The following UBE2E2 variants were observed in gnomAD, a reference collection of about 807,000 sequenced individuals.
The protein encoded by UBE2E2 is ubiquitin conjugating enzyme E2 E2, also known as ubiquitin-conjugating enzyme E2 E2.
A neutral mutation model predicts 24.7 loss-of-function variants in UBE2E2; 6 were observed. The ratio of observed to expected loss-of-function variants is 0.24; its 90% CI spans 0.13 to 0.48. The LOEUF (loss-of-function observed/expected upper bound fraction) is 0.48. Among genes scored for constraint, UBE2E2 ranks in the 20% least tolerant of loss-of-function variants. The pLI, the probability that UBE2E2 is intolerant of heterozygous loss-of-function variation, is 0.99. For missense variants in UBE2E2, 169 were observed against 245.0 expected (o/e 0.69, Z 2.07); for synonymous variants, 104 against 83.6 (o/e 1.24, Z -1.33).
At chr3:23,386,199 T>G (rs1211987008) in intron 3 of UBE2E2, among the ~76,000 whole-genome samples, 1 of 152,182 alleles carries the variant, frequency 6.6e-6, no homozygotes, top group African/African-American at 2.4e-5. Flanking sequence ...TTCTTTCTCA[T>G]TTTTCTGGAG....
At chr3:23,537,568 C>T (rs564233960) in intron 5 of UBE2E2, among the ~76,000 whole-genome samples, 1 of 152,238 alleles carries the variant, frequency 6.6e-6, no homozygotes, top group African/African-American at 2.4e-5. Context: ...ATGGACTGAG[C>T]AAAAGAAAAG....
At chr3:23,430,456 G>T (rs568404397) in intron 3 of UBE2E2, among the ~76,000 whole-genome samples, 2 of 151,974 alleles carry the variant, frequency 1.3e-5, no homozygotes, top group South Asian at 4.2e-4. Flanking sequence ...TTTTAGAACA[G>T]TACCTGGCCC....
intron 3 of UBE2E2, among the ~76,000 whole-genome samples, chr3:23,362,597 A>G (rs932343614): frequency 6.6e-6 from 1 of 152,140 alleles, no homozygotes; most frequent in African/African-American, 2.4e-5. Context: ...TGTCCCAGGA[A>G]GGACCCAGAT....
At chr3:23,293,314 C>A (rs958638546) in intron 3 of UBE2E2, among the ~76,000 whole-genome samples, 2 of 152,196 alleles carry the variant, frequency 1.3e-5, no homozygotes, top group Admixed American at 6.5e-5. Flanking sequence ...ATGTGAAAAC[C>A]ATTACCCTAA....
Position 23,261,817 on chromosome 3 carries a change from A to G in UBE2E2, c.227+44505A>G, listed in dbSNP as rs77830457. On this transcript the variant is annotated intron_variant, in intron 3 of 5. Transcript: ENST00000396703. The stretch of plus-strand genomic sequence containing the variant: ...ATTTCCTTCCTTTTTTAAATGGGTG[A>G]ATAATATTCCATTTTATTGATATAT... Among the ~76,000 whole-genome samples, 359 of 152,310 alleles carry G rather than the reference A, an allele frequency of 2.4e-3. 3 individuals carry two copies. Among genetic ancestry groups the G allele is most frequent in the African/African-American group, 8.2e-3 (342 of 41,554 alleles).
intron 3 of UBE2E2, among the ~76,000 whole-genome samples, chr3:23,414,570 G>T (rs1692652): frequency 5.9e-5 from 9 of 151,902 alleles, no homozygotes; most frequent in Non-Finnish European, 8.8e-5. Context: ...ATATCACATT[G>T]CAATGGTAGG....
At chr3:23,479,670 A>G (rs1699213029) in intron 3 of UBE2E2, among the ~76,000 whole-genome samples, 1 of 152,202 alleles carries the variant, frequency 6.6e-6, no homozygotes. Context: ...CAAGGTGGAA[A>G]GGAGCTTCAC....
Position 23,241,532 on chromosome 3 carries a change from T to C in UBE2E2, c.227+24220T>C, listed in dbSNP as rs76513864. Among the ~76,000 whole-genome samples the C allele has an allele frequency of 2.3e-3, 347 of 152,204 alleles. 2 individuals carry two copies. The highest frequency in any genetic ancestry group is 7.9e-3 in the African/African-American group (330 of 41,534). On this transcript the variant is annotated intron_variant, in intron 3 of 5. Transcript: ENST00000396703. ...GCTACGCTGGCCTCTTCCCTGTCCC[T>C]CAAATGTGCCAGACATGCTTCCATC...
chr3:23,413,725 A>C (rs368626431), intron 3 of UBE2E2, among the ~76,000 whole-genome samples: 1 of 152,010 alleles, frequency 6.6e-6, no homozygotes, highest in Non-Finnish European at 1.5e-5. Context: ...CTAGAGAGTA[A>C]TTGCCTGTAT....
In UBE2E2 at chr3:23,583,832, T is replaced by C. The variant is rs986858837; in HGVS notation, c.509-5902T>C. On this transcript the variant is annotated intron_variant, in intron 5 of 5. Coordinates refer to ENST00000396703, the MANE Select transcript of UBE2E2 (RefSeq NM_152653.4). This position sits in a 1 kb window ranked among gnomAD's most constrained non-coding sequence, Gnocchi z 4.1. The stretch of plus-strand genomic sequence containing the variant: ...GCTTTGGGGCAGAGACAGTGGGGTT[T>C]TCTAGGTATAGAATCATATCGTCTA... Among the ~76,000 whole-genome samples the C allele has an allele frequency of 6.6e-6, 1 of 152,200 alleles. No homozygotes were observed. Among genetic ancestry groups the C allele is most frequent in the Non-Finnish European group, 1.5e-5 (1 of 68,034 alleles).
intron 2 of UBE2E2, among the ~76,000 whole-genome samples, chr3:23,210,297 A>G (rs1696285011): frequency 6.6e-6 from 1 of 151,904 alleles, no homozygotes; most frequent in Non-Finnish European, 1.5e-5. Flanking sequence ...AGAAAAGGGG[A>G]AGGATTGGTT....
At chr3:23,377,896 C>T (rs920344422) in intron 3 of UBE2E2, among the ~76,000 whole-genome samples, 2 of 152,072 alleles carry the variant, frequency 1.3e-5, no homozygotes, top group Non-Finnish European at 2.9e-5. Context: ...CTCTTATGTA[C>T]ATGTGTATTG....
At chr3:23,359,360 T>G (rs1409125511) in intron 3 of UBE2E2, among the ~76,000 whole-genome samples, 1 of 152,172 alleles carries the variant, frequency 6.6e-6, no homozygotes, top group Non-Finnish European at 1.5e-5. Flanking sequence ...TCATAAGCAG[T>G]GAGGACTGGA....
At chr3:23,475,580 T>A (rs2125437820) in intron 3 of UBE2E2, among the ~76,000 whole-genome samples, 1 of 152,142 alleles carries the variant, frequency 6.6e-6, no homozygotes, top group South Asian at 2.1e-4. Flanking sequence ...GGGTCATATA[T>A]GCAAAGTGAC....
chr3:23,407,647 ATGTGTGTGTGTGTGTGTGTGTGTGTGTG>A lies in UBE2E2; in HGVS notation c.228-91945_228-91918del, dbSNP rs71974866. 2.2e-5 allele frequency among the ~76,000 whole-genome samples: 3 copies of A among 138,028 alleles called. No individual in the cohort carries two copies. The highest frequency in any genetic ancestry group is 2.7e-5 in the African/African-American group (1 of 37,298). The allele number at this position is 138,028 out of a possible 152,430, so 90.6% of individuals were successfully genotyped here. On this transcript the variant is annotated intron_variant, in intron 3 of 5. Coordinates refer to ENST00000396703, the MANE Select transcript of UBE2E2 (RefSeq NM_152653.4). This position sits in a 1 kb window ranked among gnomAD's most constrained non-coding sequence, Gnocchi z 4.0. The stretch of plus-strand genomic sequence containing the variant: ...TGTGTGTTTGTGTGTGCATGCGTGC[ATGTGTGTGTGTGTGTGTGTGTGTGTGTG>A]TGTGTGTGTGTGTGTAGTATTTCAG...
At chr3:23,420,032 T>C (rs1214635081) in intron 3 of UBE2E2, among the ~76,000 whole-genome samples, 1 of 152,170 alleles carries the variant, frequency 6.6e-6, no homozygotes, top group Non-Finnish European at 1.5e-5. Flanking sequence ...ACACAATATA[T>C]ATTTAGGCGT....
At chr3:23,574,013 A>G (rs4072269) in intron 5 of UBE2E2, among the ~76,000 whole-genome samples, 3,963 of 152,342 alleles carry the variant, frequency 0.026, 110 homozygotes, top group Admixed American at 0.077. Flanking sequence ...AATGTGGTAC[A>G]TATATGCAAT....
chr3:23,543,565 AATAG>A (rs1695447703), intron 5 of UBE2E2, among the ~76,000 whole-genome samples: 4 of 152,004 alleles, frequency 2.6e-5, no homozygotes, highest in Non-Finnish European at 4.4e-5. Flanking sequence ...AAAAAATAAT[AATAG>A]ATGACAAACA....
intron 1 of UBE2E2, among the ~76,000 whole-genome samples, chr3:23,207,830 T>C (rs139762276): frequency 2.0e-5 from 3 of 152,322 alleles, no homozygotes; most frequent in African/African-American, 7.2e-5. Context: ...ATTATTGATA[T>C]ATAATTCACA....
Sources: gnomAD v4.1 joint callset for allele counts (sites outside exome capture counted in the v4.1 genomes callset) on GRCh38, gnomAD v4.1.1 for gene constraint, Gnocchi (gnomAD v3.1) non-coding constraint, MANE v1.5 for transcripts, NCBI Gene and HGNC (gene_info 2026-07-23, HGNC 2026-07-21) for gene names.